Variants in CDH18 observed in about 807,000 individuals in gnomAD.
The protein encoded by CDH18 is cadherin-18.
CDH18 carries 31 observed loss-of-function variants against 67.9 expected under a neutral mutation model. The observed-to-expected ratio is 0.46, with a 90% CI of 0.34 to 0.62. The LOEUF is 0.62. CDH18 is among the 20% of genes least tolerant of loss of function. The pLI is 0.01. For synonymous variants in CDH18, 362 were observed against 347.2 expected, an observed-to-expected ratio of 1.04 and a Z score of -0.48; for missense variants, 890 against 975.5, an observed-to-expected ratio of 0.91 and a Z score of 1.17.
chr5:19,670,845 T>C (rs1758647186), intron 5 of CDH18, among the ~76,000 whole-genome samples: 1 of 152,000 alleles, frequency 6.6e-6, no homozygotes, highest in African/African-American at 2.4e-5. Context: ...ATTGCAGAAA[T>C]TACACCATTT....
At chr5:20,407,953 C>G (rs1395398880) in intron 1 of CDH18, among the ~76,000 whole-genome samples, 1 of 151,952 alleles carries the variant, frequency 6.6e-6, no homozygotes, top group African/African-American at 2.4e-5. Context: ...GAAATCCACA[C>G]TGTGGCACAT....
At chr5:19,987,219 T>G (rs2150377600) in intron 1 of CDH18, among the ~76,000 whole-genome samples, 1 of 151,644 alleles carries the variant, frequency 6.6e-6, no homozygotes, top group South Asian at 2.1e-4. Context: ...CTGTTACATA[T>G]GAGAGGTTTG....
At chr5:19,808,832 CAAAAAAAAAAAA>C (rs1173922790) in intron 3 of CDH18, among the ~76,000 whole-genome samples, 1 of 53,938 alleles carries the variant, frequency 1.9e-5, no homozygotes, top group Non-Finnish European at 3.2e-5. Flanking sequence ...AACTCTGTCT[CAAAAAAAAAAAA>C]AAAAAAAAAA....
intron 2 of CDH18, among the ~76,000 whole-genome samples, chr5:20,254,737 C>T (rs1580595556): frequency 1.3e-5 from 2 of 152,144 alleles, no homozygotes; most frequent in East Asian, 1.9e-4. Context: ...AAACAGCTAC[C>T]ATTCAATCCA....
Position 19,838,784 on chromosome 5 carries a change from C to A in CDH18, c.203G>T (p.Gly68Val), listed in dbSNP as rs1469399669. ...NQFFVLEEHM[G>V]PDPQYVGKLH... ...CTTTCCAACATACTGAGGATCTGGTCCCATATGTTCTTCTAAAACAAAGAA... is the reference window on the plus strand; with the variant it reads ...CTTTCCAACATACTGAGGATCTGGTACCATATGTTCTTCTAAAACAAAGAA... The change falls in exon 3 of 13, where the codon GGA becomes GTA. Residue 68 changes from glycine to valine, a missense_variant. Transcript: ENST00000382275. 1 of 1,612,428 alleles carries A rather than the reference C, an allele frequency of 6.2e-7. No homozygotes were observed. Among genetic ancestry groups the A allele is most frequent in the South Asian group, 1.1e-5 (1 of 91,036 alleles).
chr5:19,714,597 C>A (rs531543977), intron 5 of CDH18, among the ~76,000 whole-genome samples: 1 of 151,460 alleles, frequency 6.6e-6, no homozygotes, highest in East Asian at 1.9e-4. Context: ...GACTACCTAA[C>A]CATTTTTGTC....
rs536292103 is a variant in CDH18, at chr5:20,549,250, T to C, written c.-580+26212A>G. ...TCATAAACTTTTATATGTGGTTTTA[T>C]AAATGTTTGTGCTTGCATAACATTT... On this transcript the variant is annotated intron_variant, in intron 1 of 14. Coordinates refer to the CDH18 transcript ENST00000507958. Among the ~76,000 whole-genome samples the C allele has an allele frequency of 5.2e-3, 788 of 152,302 alleles. 5 individuals are homozygous for C. Among genetic ancestry groups the C allele is most frequent in the Admixed American group, 8.6e-3 (131 of 15,284 alleles).
chr5:20,110,202 T>A (rs1747340767), intron 2 of CDH18, among the ~76,000 whole-genome samples: 1 of 152,246 alleles, frequency 6.6e-6, no homozygotes, highest in Non-Finnish European at 1.5e-5. Flanking sequence ...TCTACCAAAG[T>A]ACATAATGTA....
At chr5:19,756,054 T>C (rs764966033) in intron 3 of CDH18, among the ~76,000 whole-genome samples, 2 of 151,898 alleles carry the variant, frequency 1.3e-5, no homozygotes, top group Non-Finnish European at 2.9e-5. Context: ...CCCACACACA[T>C]CTCCTGAGAT....
chr5:20,269,821 A>G (rs1215378612), intron 1 of CDH18, among the ~76,000 whole-genome samples: 1 of 152,116 alleles, frequency 6.6e-6, no homozygotes, highest in Non-Finnish European at 1.5e-5. Context: ...TTTGACCACT[A>G]GGGAATCTAT....
At chr5:19,625,570 A>G (rs1198938514) in intron 5 of CDH18, among the ~76,000 whole-genome samples, 6 of 152,162 alleles carry the variant, frequency 3.9e-5, no homozygotes, top group Non-Finnish European at 4.4e-5. Context: ...GCTCGGTCCC[A>G]AGCCTCTCTC....
chr5:19,718,859 A>C (rs1257865860), intron 5 of CDH18, among the ~76,000 whole-genome samples: 1 of 151,988 alleles, frequency 6.6e-6, no homozygotes, highest in Non-Finnish European at 1.5e-5. Flanking sequence ...ATAGCAGCCT[A>C]TTTACACTTG....
intron 1 of CDH18, among the ~76,000 whole-genome samples, chr5:20,426,462 T>G (rs2150168110): frequency 6.6e-6 from 1 of 151,326 alleles, no homozygotes; most frequent in Non-Finnish European, 1.5e-5. Context: ...AAATATGGAT[T>G]AATATTATTT....
intron 1 of CDH18, among the ~76,000 whole-genome samples, chr5:20,501,753 GTGTA>G (rs1344566823): frequency 1.7e-5 from 2 of 119,910 alleles, no homozygotes; most frequent in East Asian, 2.6e-4. Context: ...GTGTGTGTGT[GTGTA>G]TACCTTTACA....
rs556158564 is a variant in CDH18, at chr5:20,441,553, G to A, written c.-580+133909C>T. Among the ~76,000 whole-genome samples the A allele has an allele frequency of 3.3e-5, 5 of 151,734 alleles. No individual in the cohort carries two copies. The South Asian group carries it at 1.0e-3, about 32-fold the overall frequency. ...ACAATACACCTTTCATATAAAAAAG[G>A]GCCAAATTGTTACAGCTAGCATTTT... On this transcript the variant is annotated intron_variant, in intron 1 of 14. Transcript: ENST00000507958.
chr5:20,506,745 A>T (rs1051021615), intron 1 of CDH18, among the ~76,000 whole-genome samples: 7 of 152,236 alleles, frequency 4.6e-5, no homozygotes, highest in Admixed American at 6.5e-5. Context: ...AGCAATGAAT[A>T]ACTAATGTAC....
chr5:20,531,364 T>C (rs1157330391), intron 1 of CDH18, among the ~76,000 whole-genome samples: 1 of 152,104 alleles, frequency 6.6e-6, no homozygotes, highest in East Asian at 1.9e-4. Context: ...AGAAATAGCA[T>C]TTGACCCAGA....
At chr5:20,304,649 T>C in intron 1 of CDH18, 1 of 1,611,884 alleles carries the variant, frequency 6.2e-7, no homozygotes, top group Non-Finnish European at 8.5e-7. Context: ...AATGAGGCAC[T>C]TGTCGCTCCT....
intron 2 of CDH18, among the ~76,000 whole-genome samples, chr5:20,201,928 A>G (rs1230280725): frequency 6.6e-6 from 1 of 152,192 alleles, no homozygotes; most frequent in Non-Finnish European, 1.5e-5. Context: ...GGTTGCAGCA[A>G]TCCAGTGACA....
Sources: gnomAD v4.1 joint callset for allele counts (sites outside exome capture counted in the v4.1 genomes callset) on GRCh38, gnomAD v4.1.1 for gene constraint, MANE v1.5 for transcripts, NCBI Gene and HGNC (gene_info 2026-07-23, HGNC 2026-07-21) for gene names.